The following COL25A1 variants were observed in gnomAD, a reference collection of about 807,000 sequenced individuals.
The protein encoded by COL25A1 is collagen type XXV alpha 1 chain, also known as collagen alpha-1(XXV) chain.
COL25A1 carries 103 observed loss-of-function variants against 128.4 expected under a neutral mutation model. The observed-to-expected ratio is 0.80, with a 90% CI of 0.68 to 0.94. COL25A1 has a LOEUF of 0.94. Among genes scored for constraint, COL25A1 ranks in the 40% least tolerant of loss-of-function variants. The probability of loss-of-function intolerance (pLI) is 0.00; values close to 1 mark genes in which losing one functional copy is unlikely to be tolerated. For synonymous variants in COL25A1, 279 were observed against 277.2 expected, an observed-to-expected ratio of 1.01 and a Z score of -0.06; for missense variants, 745 against 840.0, an observed-to-expected ratio of 0.89 and a Z score of 1.40.
intron 3 of COL25A1, among the ~76,000 whole-genome samples, chr4:109,111,663 T>C (rs530397956): frequency 1.3e-5 from 2 of 152,304 alleles, no homozygotes; most frequent in Admixed American, 6.5e-5. Context: ...GCTCAAACAG[T>C]ATACTTCTCT....
intron 3 of COL25A1, among the ~76,000 whole-genome samples, chr4:109,191,228 A>C (rs1284947355): frequency 6.6e-6 from 1 of 152,188 alleles, no homozygotes; most frequent in African/African-American, 2.4e-5. Flanking sequence ...AAATTCAGTG[A>C]TGAAATAAAT....
intron 3 of COL25A1, among the ~76,000 whole-genome samples, chr4:109,135,889 T>C (rs1769693708): frequency 6.6e-6 from 1 of 152,196 alleles, no homozygotes; most frequent in Non-Finnish European, 1.5e-5. Context: ...CATAAGCTTG[T>C]TGGTCACATT....
At chr4:109,128,968 A>G (rs535837987) in intron 3 of COL25A1, among the ~76,000 whole-genome samples, 1 of 152,334 alleles carries the variant, frequency 6.6e-6, no homozygotes, top group South Asian at 2.1e-4. Flanking sequence ...AAGAGATTTT[A>G]AAACACAGAT....
At chr4:109,022,755 G>A (rs376121899) in intron 5 of COL25A1, among the ~76,000 whole-genome samples, 2 of 152,130 alleles carry the variant, frequency 1.3e-5, no homozygotes, top group Non-Finnish European at 2.9e-5. Flanking sequence ...TCAATGAAAT[G>A]AGCTTATTCT....
intron 19 of COL25A1, among the ~76,000 whole-genome samples, chr4:108,873,000 G>A (rs767873356): frequency 4.6e-5 from 7 of 151,826 alleles, no homozygotes; most frequent in Admixed American, 6.6e-5. Context: ...TCAAAGGATC[G>A]TCCCACCTCA....
chr4:108,841,846 G>T (rs940109724), intron 30 of COL25A1, 125 bp from the exon 31 acceptor site: 15 of 781,832 alleles, frequency 1.9e-5, no homozygotes, highest in Non-Finnish European at 3.0e-5. Flanking sequence ...TATAGGTAGA[G>T]GCAGGCTAGT....
intron 13 of COL25A1, among the ~76,000 whole-genome samples, chr4:108,911,818 T>C (rs1199764020): frequency 1.3e-5 from 2 of 151,528 alleles, no homozygotes; most frequent in African/African-American, 4.8e-5. Flanking sequence ...TTTTTTTTTT[T>C]TTGCAACAGC....
chr4:109,038,932 C>T (rs985144371), intron 5 of COL25A1, among the ~76,000 whole-genome samples: 1 of 152,154 alleles, frequency 6.6e-6, no homozygotes, highest in African/African-American at 2.4e-5. Flanking sequence ...TCAACCCCTA[C>T]CCAAGTCTGC....
intron 10 of COL25A1, among the ~76,000 whole-genome samples, chr4:108,938,085 G>C (rs1260002609): frequency 1.3e-5 from 2 of 152,132 alleles, no homozygotes; most frequent in Non-Finnish European, 2.9e-5. Flanking sequence ...TAAAGATAAT[G>C]ACATGGTGTC....
At chr4:109,233,992 G>A (rs76972801) in intron 3 of COL25A1, among the ~76,000 whole-genome samples, 126 of 152,206 alleles carry the variant, frequency 8.3e-4, no homozygotes, top group Admixed American at 2.8e-3. Flanking sequence ...CAAATATTCT[G>A]CTTTCCTACC....
At chr4:109,160,997 T>G (rs1016514914) in intron 3 of COL25A1, among the ~76,000 whole-genome samples, 1 of 152,178 alleles carries the variant, frequency 6.6e-6, no homozygotes, top group Non-Finnish European at 1.5e-5. Context: ...TTACATAGTA[T>G]AACTCTTTTT....
intron 5 of COL25A1, among the ~76,000 whole-genome samples, chr4:109,019,363 C>T (rs1470529674): frequency 1.1e-4 from 3 of 26,538 alleles, no homozygotes; most frequent in African/African-American, 1.6e-4. Context: ...CACACACACA[C>T]ACACACACAC....
chr4:108,929,419 C>T (rs1242877260), intron 11 of COL25A1, among the ~76,000 whole-genome samples: 20 of 152,130 alleles, frequency 1.3e-4, no homozygotes, highest in African/African-American at 3.4e-4. Context: ...CCACCGCGCC[C>T]GGCTGGTGTG....
intron 8 of COL25A1, 51 bp downstream of exon 8, chr4:108,974,316 C>T: frequency 6.3e-7 from 1 of 1,597,422 alleles, no homozygotes; most frequent in Non-Finnish European, 8.6e-7. Flanking sequence ...ATTCAATAAA[C>T]TTGGAGTTAG....
chr4:108,983,397 A>T (rs1032780927), intron 6 of COL25A1, among the ~76,000 whole-genome samples: 1 of 152,198 alleles, frequency 6.6e-6, no homozygotes, highest in Non-Finnish European at 1.5e-5. Flanking sequence ...AGATACGTTC[A>T]TGTTTATACC....
At chr4:109,119,643 T>C (rs1391143796) in intron 3 of COL25A1, among the ~76,000 whole-genome samples, 2 of 152,018 alleles carry the variant, frequency 1.3e-5, no homozygotes, top group African/African-American at 4.8e-5. Flanking sequence ...GAATGAATAA[T>C]TAACACTCTT....
At chr4:109,079,421 C>G (rs1763648412) in intron 3 of COL25A1, among the ~76,000 whole-genome samples, 1 of 152,084 alleles carries the variant, frequency 6.6e-6, no homozygotes, top group African/African-American at 2.4e-5. Flanking sequence ...GTCATACATT[C>G]GTTTATTCAA....
At chr4:108,814,061 A>G (rs578209050) in intron 37 of COL25A1, 132 bp from the exon 38 acceptor site, 10 of 658,864 alleles carry the variant, frequency 1.5e-5, no homozygotes, top group African/African-American at 1.3e-4. Flanking sequence ...ACTGGCTATC[A>G]ATGAGCCAAT....
intron 5 of COL25A1, among the ~76,000 whole-genome samples, chr4:109,029,141 G>A (rs1278040653): frequency 6.6e-6 from 1 of 152,118 alleles, no homozygotes; most frequent in African/African-American, 2.4e-5. Context: ...TTCATTTTGA[G>A]GACAAAAGAT....
Sources: allele counts gnomAD v4.1 joint callset (sites outside exome capture counted in the v4.1 genomes callset), GRCh38; gene constraint gnomAD v4.1.1; transcripts MANE v1.5; gene names NCBI Gene and HGNC (gene_info 2026-07-23, HGNC 2026-07-21).